The following LIN7A variants were observed in gnomAD, a reference collection of about 807,000 sequenced individuals.
The protein encoded by LIN7A is lin-7 cell polarity scaffold A, also known as protein lin-7 homolog A.
In LIN7A, 25 loss-of-function variants were observed where a neutral mutation model predicts 29.8. The observed-to-expected ratio is 0.84, with a 90% CI of 0.61 to 1.17. LIN7A has a LOEUF of 1.17. LIN7A is among the 50% of genes most tolerant of loss of function. LIN7A has a pLI of 0.00. For synonymous variants in LIN7A, 118 were observed against 107.5 expected, an observed-to-expected ratio of 1.10 and a Z score of -0.60; for missense variants, 239 against 287.0, an observed-to-expected ratio of 0.83 and a Z score of 1.21.
At chr12:80,859,150 T>A (rs548047142) in intron 2 of LIN7A, among the ~76,000 whole-genome samples, 8 of 152,294 alleles carry the variant, frequency 5.3e-5, no homozygotes, top group Admixed American at 6.5e-5. Flanking sequence ...CATATAATAT[T>A]TGACACACCG....
At chr12:80,863,257 C>G (rs1317797) in intron 2 of LIN7A, among the ~76,000 whole-genome samples, 52,029 of 152,120 alleles carry the variant, frequency 0.34, 10,527 homozygotes, top group African/African-American at 0.57. Context: ...TAGACTCTCA[C>G]AAATAATGAT....
At chr12:80,882,721 C>G (rs1015923110) in intron 2 of LIN7A, among the ~76,000 whole-genome samples, 7 of 152,168 alleles carry the variant, frequency 4.6e-5, no homozygotes, top group Admixed American at 1.3e-4. Flanking sequence ...ATCACTTAAT[C>G]CATCAAAATT....
At chr12:80,887,570 C>A (rs1875394555) in intron 2 of LIN7A, among the ~76,000 whole-genome samples, 1 of 152,070 alleles carries the variant, frequency 6.6e-6, no homozygotes. Flanking sequence ...AACACTATGA[C>A]CCCTGATATT....
chr12:80,824,699 G>GATGT (rs1478269248), intron 4 of LIN7A, among the ~76,000 whole-genome samples: 8 of 152,288 alleles, frequency 5.3e-5, no homozygotes, highest in African/African-American at 1.9e-4. Context: ...GGGATGCAGG[G>GATGT]ATGGTTTAAC....
chr12:80,874,759 G>A (rs975194441), intron 2 of LIN7A, among the ~76,000 whole-genome samples: 11 of 152,260 alleles, frequency 7.2e-5, no homozygotes, highest in African/African-American at 2.2e-4. Flanking sequence ...TGAGGCAGGC[G>A]GATCATGAGG....
intron 1 of LIN7A, chr12:80,935,784 G>A (rs750288735): frequency 7.8e-6 from 4 of 511,354 alleles, no homozygotes; most frequent in Non-Finnish European, 1.7e-5. Context: ...GCTACTGCAT[G>A]TACGTAATTA....
chr12:80,937,371 G>A, intron 1 of LIN7A: 2 of 365,020 alleles, frequency 5.5e-6, no homozygotes, highest in Non-Finnish European at 9.8e-6. Context: ...ACGACCCGGC[G>A]AGGGGCTGGG....
At chr12:80,899,816 T>C (rs1042967484) in intron 1 of LIN7A, among the ~76,000 whole-genome samples, 1 of 126,862 alleles carries the variant, frequency 7.9e-6, no homozygotes, top group Admixed American at 1.0e-4. Context: ...TTGCCCAGGC[T>C]GGAGTGCAGT....
chr12:80,828,435 A>G (rs985826667), intron 4 of LIN7A, among the ~76,000 whole-genome samples: 4 of 152,204 alleles, frequency 2.6e-5, no homozygotes, highest in Admixed American at 6.5e-5. Context: ...TCTCCAAGAC[A>G]TTATTAACCA....
At chr12:80,887,202 T>C (rs932525835) in intron 2 of LIN7A, among the ~76,000 whole-genome samples, 2 of 152,104 alleles carry the variant, frequency 1.3e-5, no homozygotes, top group Non-Finnish European at 2.9e-5. Context: ...AATATATATC[T>C]GGAATCAGAC....
At chr12:80,886,289 A>T (rs1023275179) in intron 2 of LIN7A, among the ~76,000 whole-genome samples, 21 of 151,992 alleles carry the variant, frequency 1.4e-4, no homozygotes, top group African/African-American at 4.8e-4. Flanking sequence ...CAACTTCGAG[A>T]CATTTATTAT....
At chr12:80,874,319 A>T (rs1252823502) in intron 2 of LIN7A, among the ~76,000 whole-genome samples, 1 of 152,218 alleles carries the variant, frequency 6.6e-6, no homozygotes, top group Non-Finnish European at 1.5e-5. Flanking sequence ...TTAAATAGAC[A>T]TGCATATTTG....
chr12:80,832,794 T>C (rs551051538), intron 4 of LIN7A, among the ~76,000 whole-genome samples: 1 of 152,308 alleles, frequency 6.6e-6, no homozygotes, highest in African/African-American at 2.4e-5. Flanking sequence ...AGCTACTATA[T>C]GGTTTGGAAC....
chr12:80,933,135 G>A (rs1403397453), intron 1 of LIN7A, among the ~76,000 whole-genome samples: 2 of 152,130 alleles, frequency 1.3e-5, no homozygotes, highest in African/African-American at 4.8e-5. Flanking sequence ...TTTATGCATA[G>A]TGACATGTAA....
chr12:80,816,570 C>A (rs539435232), intron 4 of LIN7A, among the ~76,000 whole-genome samples: 4 of 152,084 alleles, frequency 2.6e-5, no homozygotes, highest in African/African-American at 9.6e-5. Context: ...ACCATACAAA[C>A]TGGATCTCCT....
At chr12:80,807,063 G>GTTTTTTTTTGGTTTT (rs374349839) in intron 5 of LIN7A, among the ~76,000 whole-genome samples, 1 of 53,592 alleles carries the variant, frequency 1.9e-5, no homozygotes, top group East Asian at 5.3e-4. Context: ...TGAAGATGGA[G>GTTTTTTTTTGGTTTT]TTTTTTTTTT....
chr12:80,846,198 A>G (rs1357242856), intron 3 of LIN7A, among the ~76,000 whole-genome samples: 2 of 152,146 alleles, frequency 1.3e-5, no homozygotes, highest in East Asian at 3.9e-4. Context: ...CTTCATAAAA[A>G]TCCTTTCCAG....
At chr12:80,824,449 A>G (rs956687414) in intron 4 of LIN7A, among the ~76,000 whole-genome samples, 14 of 152,224 alleles carry the variant, frequency 9.2e-5, no homozygotes, top group African/African-American at 3.1e-4. Context: ...TCAAAGAAGA[A>G]TTGGTACCAA....
chr12:80,845,003 C>G (rs915196326), intron 4 of LIN7A, among the ~76,000 whole-genome samples: 1 of 151,942 alleles, frequency 6.6e-6, no homozygotes, highest in Non-Finnish European at 1.5e-5. Flanking sequence ...CTTTGGGAGG[C>G]CGAGGCAGGC....
Sources: gnomAD v4.1 joint callset for allele counts (sites outside exome capture counted in the v4.1 genomes callset) on GRCh38, gnomAD v4.1.1 for gene constraint, MANE v1.5 for transcripts, NCBI Gene and HGNC (gene_info 2026-07-23, HGNC 2026-07-21) for gene names.